The following GGA2 variants were observed in gnomAD, a reference collection of about 807,000 sequenced individuals.
GGA2 encodes ADP-ribosylation factor-binding protein GGA2.
A neutral mutation model predicts 79.5 loss-of-function variants in GGA2; 48 were observed. The ratio of observed to expected loss-of-function variants is 0.60; its 90% CI spans 0.48 to 0.77. GGA2 has a LOEUF of 0.77. Among genes scored for constraint, GGA2 ranks in the 30% least tolerant of loss-of-function variants. The pLI is 0.00. For synonymous variants in GGA2, 317 were observed against 302.0 expected (o/e 1.05, Z -0.51); for missense variants, 770 against 774.0 (o/e 0.99, Z 0.06).
rs1392532164 is a variant in GGA2, at chr16:23,465,570, CA to C, written c.*2019del. ...ATAAGTCTCATTCACCCATTTTGACCAAAACCCTTCAGAGGGAGATGCTGTC... is the reference window on the plus strand; with the variant it reads ...ATAAGTCTCATTCACCCATTTTGACCAAACCCTTCAGAGGGAGATGCTGTC... On this transcript the variant is annotated 3_prime_UTR_variant, in exon 17 of 17. Coordinates refer to ENST00000309859, the MANE Select transcript of GGA2 (RefSeq NM_015044.4). 1.6e-6 allele frequency: 1 copy of C among 614,920 alleles called. No homozygotes were observed. Among genetic ancestry groups the C allele is most frequent in the Non-Finnish European group, 2.9e-6 (1 of 342,918 alleles). The allele number at this position is 614,920 out of a possible 1,614,324, so 38.1% of individuals were successfully genotyped here. A position where few individuals can be genotyped will look rare whatever the true frequency, so the allele number is the denominator to read the frequency against.
chr16:23,504,398 G>C (rs1271634162), intron 1 of GGA2, among the ~76,000 whole-genome samples: 2 of 152,154 alleles, frequency 1.3e-5, no homozygotes, highest in Non-Finnish European at 2.9e-5. Context: ...ACTCTCACAG[G>C]CTCTAGTACC....
At chr16:23,494,598 G>A (rs1170303869) in intron 2 of GGA2, among the ~76,000 whole-genome samples, 2 of 152,108 alleles carry the variant, frequency 1.3e-5, no homozygotes, top group Middle Eastern at 3.2e-3. Context: ...CCTGCCCAGG[G>A]CACACTGCCC....
chr16:23,499,175 C>G (rs1207387238), intron 1 of GGA2, among the ~76,000 whole-genome samples: 1 of 144,746 alleles, frequency 6.9e-6, no homozygotes, highest in South Asian at 2.2e-4. Flanking sequence ...TATGGAGTCT[C>G]GCTCTGTCAC....
intron 1 of GGA2, among the ~76,000 whole-genome samples, chr16:23,520,884 G>A (rs141722900): frequency 4.2e-4 from 64 of 152,124 alleles, no homozygotes; most frequent in Non-Finnish European, 8.4e-4. Flanking sequence ...CCGTTCTGTG[G>A]GGGTTCAAGT....
Position 23,480,506 on chromosome 16 carries a change from A to T in GGA2, c.1006+139T>A, listed in dbSNP as rs889232964. The T allele has an allele frequency of 4.2e-6, 3 of 715,698 alleles. No homozygotes were observed. The South Asian group carries it at 6.6e-5, about 16-fold the overall frequency. 44.3% of individuals were successfully genotyped at this position (715,698 alleles called of 1,614,324 possible). A position where few individuals can be genotyped will look rare whatever the true frequency, so the allele number is the denominator to read the frequency against. ...TATGGCTGGGTGTGGCAACATATCC[A>T]CTTTCACAGGAAGGGGAACAAAGGG... On this transcript the variant is annotated intron_variant, in intron 10 of 16. Coordinates refer to ENST00000309859, the MANE Select transcript of GGA2 (RefSeq NM_015044.4).
chr16:23,478,826 A>G (rs1964610431), intron 12 of GGA2, 57 bp downstream of exon 12: 1 of 1,223,718 alleles, frequency 8.2e-7, no homozygotes, highest in Non-Finnish European at 1.2e-6. Flanking sequence ...CTGCCTCACA[A>G]GGGCAGGTCT....
chr16:23,474,449 C>T (rs1441985824), intron 14 of GGA2, among the ~76,000 whole-genome samples: 1 of 152,092 alleles, frequency 6.6e-6, no homozygotes, highest in Non-Finnish European at 1.5e-5. Context: ...CCTCCACCTC[C>T]TGGATTCAAG....
chr16:23,486,868 G>A, intron 6 of GGA2, 78 bp from the exon 7 acceptor site: 2 of 838,942 alleles, frequency 2.4e-6, no homozygotes, highest in African/African-American at 1.7e-5. Flanking sequence ...CAACAGAAGA[G>A]TTAACACTAA....
chr16:23,496,945 A>G (rs1419946958), intron 1 of GGA2, among the ~76,000 whole-genome samples: 1 of 149,454 alleles, frequency 6.7e-6, no homozygotes, highest in African/African-American at 2.5e-5. Flanking sequence ...CAACAGAGCG[A>G]GACTCCATCT....
At chr16:23,524,167 G>T (rs1965184977), upstream of GGA2, 9 of 606,776 alleles carry the variant, frequency 1.5e-5, no homozygotes, top group South Asian at 1.5e-4. Flanking sequence ...CAGGAGGTTA[G>T]ATGGGTTGGG....
At chr16:23,502,724 G>A (rs1964933461) in intron 1 of GGA2, among the ~76,000 whole-genome samples, 1 of 152,216 alleles carries the variant, frequency 6.6e-6, no homozygotes, top group Admixed American at 6.5e-5. Flanking sequence ...GGTTGTAATA[G>A]CTGGTGGCTC....
upstream of GGA2, chr16:23,522,468 GT>G (rs79556186): frequency 2.2e-4 from 33 of 147,580 alleles, no homozygotes; most frequent in African/African-American, 6.4e-4. Flanking sequence ...TCCAAAACCT[GT>G]TTTTTTTTTG....
rs752791823 is a variant in GGA2 at position 23,493,386 on chromosome 16, C to A, written c.325G>T (p.Glu109Ter). 6.2e-7 allele frequency: 1 copy of A among 1,608,322 alleles called. No individual in the cohort carries two copies. Among genetic ancestry groups the A allele is most frequent in the South Asian group, 1.1e-5 (1 of 90,928 alleles). The change falls in exon 4 of 17, where the codon GAA becomes TAA. Residue 109 changes from glutamate (E) to a stop codon, truncating the protein, a stop_gained. Coordinates refer to ENST00000309859, the MANE Select transcript of GGA2 (RefSeq NM_015044.4). LOFTEE classifies it high-confidence loss of function. Reference protein sequence around the residue: ...SEVAKFRFLNELIKVLSPKYL... With the variant: ...SEVAKFRFLN ...TTTGGGGACAACACTTTGATCAGTT[C>A]GTTCAGGAAACGAAATTTGGCCACC...
At chr16:23,513,805 G>GAAAGA (rs1555501627), upstream of GGA2, among the ~76,000 whole-genome samples, 8 of 141,998 alleles carry the variant, frequency 5.6e-5, no homozygotes, top group Non-Finnish European at 4.5e-5. Context: ...AAAAAAGAAA[G>GAAAGA]AAAAAAAGAA....
chr16:23,476,854 A>C (rs977658421), intron 13 of GGA2, among the ~76,000 whole-genome samples: 3 of 152,156 alleles, frequency 2.0e-5, no homozygotes, highest in Non-Finnish European at 4.4e-5. Context: ...ATGTTCTACT[A>C]CTCCTAGTCC....
intron 1 of GGA2, among the ~76,000 whole-genome samples, chr16:23,497,150 C>T (rs972924020): frequency 6.6e-6 from 1 of 151,810 alleles, no homozygotes; most frequent in Admixed American, 6.6e-5. Flanking sequence ...CCCCTCTGGC[C>T]ATCTGGTCCT....
At chr16:23,500,967 A>G (rs578253910) in intron 1 of GGA2, 5 of 311,652 alleles carry the variant, frequency 1.6e-5, no homozygotes, top group Non-Finnish European at 3.2e-5. Context: ...GTGTTACACC[A>G]TATTGCTAGA....
At position 23,486,040 on chromosome 16, in the gene GGA2, G is replaced by A. The variant is rs1964707430; in HGVS notation, c.773C>T (p.Ala258Val). The A allele has an allele frequency of 6.2e-7, 1 of 1,614,162 alleles. No homozygotes were observed. Among genetic ancestry groups the A allele is most frequent in the Non-Finnish European group, 8.5e-7 (1 of 1,179,992 alleles). Residue 258 changes from alanine to valine, a missense_variant, in exon 8 of 17, where the codon GCC becomes GTC. Physicochemically the swap from Ala to Val is moderately conservative, Grantham distance 64 (BLOSUM62 0). Coordinates refer to ENST00000309859, the MANE Select transcript of GGA2 (RefSeq NM_015044.4). ...CTGCAGGGCCTCCTGGTCGGGCGGG[G>A]CCTGCCCTGGCCTGCGGTACATGCT... ...MLSMYRRPGQ[A>V]PPDQEALQVV...
intron 14 of GGA2, among the ~76,000 whole-genome samples, chr16:23,474,328 G>A (rs1322701803): frequency 1.3e-5 from 2 of 152,056 alleles, no homozygotes; most frequent in Non-Finnish European, 2.9e-5. Context: ...ACTAAGGAAG[G>A]CTAAGAAATC....
Sources: allele counts gnomAD v4.1 joint callset (sites outside exome capture counted in the v4.1 genomes callset), GRCh38; gene constraint gnomAD v4.1.1; transcripts MANE v1.5; gene names NCBI Gene and HGNC (gene_info 2026-07-23, HGNC 2026-07-21).